AAK1: variants seen among roughly 807,000 people sequenced by gnomAD.
AAK1 encodes the protein AP2-associated protein kinase 1.
Under a neutral mutation model 116.0 loss-of-function variants are expected in AAK1, and 37 were observed. That is an observed-to-expected ratio of 0.32 (90% CI 0.25 to 0.42). The LOEUF is 0.42. Among genes scored for constraint, AAK1 ranks in the 10% least tolerant of loss-of-function variants. The pLI, the probability that AAK1 is intolerant of heterozygous loss-of-function variation, is 1.00. For missense variants in AAK1, 919 were observed against 1,170.6 expected, an observed-to-expected ratio of 0.79 and a Z score of 3.14; for synonymous variants, 458 against 439.9, an observed-to-expected ratio of 1.04 and a Z score of -0.51.
At chr2:69,528,458 G>T (rs1221320440) in intron 8 of AAK1, among the ~76,000 whole-genome samples, 1 of 152,302 alleles carries the variant, frequency 6.6e-6, no homozygotes, top group East Asian at 1.9e-4. Context: ...ATATACTATG[G>T]TGACAGTGAT....
intron 2 of AAK1, among the ~76,000 whole-genome samples, chr2:69,567,444 G>A (rs1437699022): frequency 1.3e-5 from 2 of 152,110 alleles, no homozygotes; most frequent in Admixed American, 6.5e-5. Context: ...ACAAGGGCAG[G>A]GACGATGACT....
At chr2:69,493,734 G>T (rs1010037317) in intron 17 of AAK1, among the ~76,000 whole-genome samples, 1 of 152,154 alleles carries the variant, frequency 6.6e-6, no homozygotes, top group Admixed American at 6.5e-5. Context: ...GATGTGACTG[G>T]GAGTGCCCAT....
intron 2 of AAK1, among the ~76,000 whole-genome samples, chr2:69,616,265 G>A (rs1479625026): frequency 6.6e-6 from 1 of 152,088 alleles, no homozygotes; most frequent in Non-Finnish European, 1.5e-5. Flanking sequence ...TGAGTAGCAG[G>A]AATCACAGCC....
chr2:69,505,038 T>C (rs1230077660), intron 16 of AAK1, among the ~76,000 whole-genome samples: 1 of 152,042 alleles, frequency 6.6e-6, no homozygotes, highest in Non-Finnish European at 1.5e-5. Context: ...TTTAACAAAG[T>C]CTCATTTAAA....
At chr2:69,500,694 T>C (rs1274887536) in intron 16 of AAK1, among the ~76,000 whole-genome samples, 5,164 of 109,816 alleles carry the variant, frequency 0.047, 299 homozygotes, top group East Asian at 0.18. Context: ...TATATATATA[T>C]ATATACACAC....
At chr2:69,509,207 C>A in intron 14 of AAK1, 24 bp downstream of exon 14, 3 of 1,609,492 alleles carry the variant, frequency 1.9e-6, no homozygotes, top group Non-Finnish European at 2.6e-6. Flanking sequence ...GAGGTAAGAA[C>A]AACAAAGAGG....
At chr2:69,619,256 A>AC (rs1486369196) in intron 2 of AAK1, among the ~76,000 whole-genome samples, 1 of 152,010 alleles carries the variant, frequency 6.6e-6, no homozygotes, top group Non-Finnish European at 1.5e-5. Context: ...CCCCATACTT[A>AC]CCACTATCCT....
At chr2:69,488,295 T>G in intron 17 of AAK1, among the ~76,000 whole-genome samples, 1 of 152,010 alleles carries the variant, frequency 6.6e-6, no homozygotes, top group East Asian at 1.9e-4. Flanking sequence ...GTAACAAACA[T>G]GCACACGTAT....
intron 2 of AAK1, among the ~76,000 whole-genome samples, chr2:69,593,069 T>G (rs767599627): frequency 5.9e-5 from 9 of 152,228 alleles, no homozygotes; most frequent in Non-Finnish European, 1.2e-4. Context: ...TTTAAAAGAA[T>G]TATAACATCA....
rs1351867916 is a variant in AAK1 at position 69,464,225 on chromosome 2, AAAACC to A, written c.*11639_*11643del. 7 of 152,116 alleles carry A rather than the reference AAAACC, an allele frequency of 4.6e-5. No homozygotes were observed. Among genetic ancestry groups the A allele is most frequent in the African/African-American group, 1.7e-4 (7 of 41,398 alleles). 9.4% of individuals were successfully genotyped at this position (152,116 alleles called of 1,614,324 possible). The stretch of plus-strand genomic sequence containing the variant: ...CAACAACAACAACAACAACAACAAC[AAAACC>A]ACCCCAAAACAAGCAAGCCTAGTTT... On this transcript the variant is annotated 3_prime_UTR_variant, in exon 22 of 22. Coordinates refer to ENST00000409085, the MANE Select transcript of AAK1 (RefSeq NM_014911.5).
intron 20 of AAK1, 94 bp from the exon 21 acceptor site, chr2:69,477,084 C>T: frequency 1.3e-6 from 1 of 741,176 alleles, no homozygotes; most frequent in Non-Finnish European, 2.2e-6. Flanking sequence ...CTCAACTGTA[C>T]AGCCCTGTTA....
chr2:69,488,346 T>G (rs1275098127), intron 17 of AAK1, among the ~76,000 whole-genome samples: 4 of 152,118 alleles, frequency 2.6e-5, no homozygotes, highest in African/African-American at 9.7e-5. Context: ...TAAAAAAAGA[T>G]AGAGAGTATC....
chr2:69,467,530 G>A lies in AAK1; in HGVS notation c.*8339C>T. 1.0e-6 allele frequency: 1 copy of A among 985,384 alleles called. No homozygotes were observed. The allele number at this position is 985,384 out of a possible 1,614,324, so 61.0% of individuals were successfully genotyped here. A position where few individuals can be genotyped will look rare whatever the true frequency, so the allele number is the denominator to read the frequency against. On this transcript the variant is annotated 3_prime_UTR_variant, in exon 22 of 22. Coordinates refer to ENST00000409085, the MANE Select transcript of AAK1 (RefSeq NM_014911.5). ...GAATCCAGAGAAAGGGTGGTTGGGG[G>A]TAAAGGTATCATTTCATCATGGGCT...
chr2:69,620,145 G>T (rs777753770), intron 2 of AAK1, among the ~76,000 whole-genome samples: 1 of 152,228 alleles, frequency 6.6e-6, no homozygotes, highest in African/African-American at 2.4e-5. Context: ...AGACAGCAAC[G>T]AAGGCAGTAA....
chr2:69,490,641 G>A (rs548353034), intron 17 of AAK1, among the ~76,000 whole-genome samples: 5 of 151,842 alleles, frequency 3.3e-5, no homozygotes, highest in African/African-American at 4.8e-5. Flanking sequence ...TAGAGTGGTG[G>A]TTGCCAGGGG....
rs1490674947 is a variant in AAK1, at chr2:69,516,580, TGAGGGCAGCATGATCCTA to T, written c.1498-1849_1498-1832del. 6.6e-5 allele frequency among the ~76,000 whole-genome samples: 10 copies of T among 152,200 alleles called. No individual in the cohort carries two copies. The South Asian group carries it at 8.3e-4, about 13-fold the overall frequency. On this transcript the variant is annotated intron_variant, in intron 12 of 21. Transcript: ENST00000409085. ...CTAAGAAAAATGGATGATTTCAAGT[TGAGGGCAGCATGATCCTA>T]GAGGGCAGCATGATCCTAGATAGCA...
At chr2:69,563,291 G>T (rs1481876137) in intron 2 of AAK1, among the ~76,000 whole-genome samples, 1 of 152,178 alleles carries the variant, frequency 6.6e-6, no homozygotes, top group Non-Finnish European at 1.5e-5. Flanking sequence ...GGAAGGGAAG[G>T]TAAGGTGAGC....
chr2:69,496,059 T>G lies in AAK1; in HGVS notation c.2291A>C (p.Gln764Pro). 1 of 1,554,992 alleles carries G rather than the reference T, an allele frequency of 6.4e-7. No homozygotes were observed. The highest frequency in any genetic ancestry group is 1.2e-5 in the South Asian group (1 of 84,180). Residue 764 changes from glutamine to proline, a missense_variant, in exon 17 of 22, where the codon CAG becomes CCG. By Grantham distance (76) the Gln-to-Pro change is moderately conservative. Coordinates refer to ENST00000409085, the MANE Select transcript of AAK1 (RefSeq NM_014911.5). The part of the protein sequence containing the change: ...AGTAEKRKGG[Q>P]TVDSGLPLLS... ...AAGCGGGAGGCCAGAGTCCACAGTC[T>G]GCCCACCCTTCCTTTTTTCAGCTGG...
chr2:69,633,029 T>C (rs992069590), intron 2 of AAK1, among the ~76,000 whole-genome samples: 5 of 148,490 alleles, frequency 3.4e-5, no homozygotes, highest in African/African-American at 7.5e-5. Context: ...CAAGACTCCG[T>C]CTCAATAAAA....
Sources: gnomAD v4.1 joint callset for allele counts (sites outside exome capture counted in the v4.1 genomes callset) on GRCh38, gnomAD v4.1.1 for gene constraint, MANE v1.5 for transcripts, NCBI Gene and HGNC (gene_info 2026-07-23, HGNC 2026-07-21) for gene names.